Variants in NDUFS3 observed in about 807,000 individuals in gnomAD.
The protein encoded by NDUFS3 is NADH dehydrogenase [ubiquinone] iron-sulfur protein 3, mitochondrial.
A neutral mutation model predicts 30.8 loss-of-function variants in NDUFS3; 19 were observed. The observed-to-expected ratio is 0.62, with a 90% confidence interval of 0.43 to 0.91. The LOEUF (loss-of-function observed/expected upper bound fraction) is 0.91, where lower values mean the gene tolerates loss of function less well. Ranked by LOEUF, NDUFS3 falls within the 40% of genes least tolerant of loss-of-function variation. The probability of loss-of-function intolerance (pLI) is 0.00; values close to 1 mark genes in which losing one functional copy is unlikely to be tolerated. For synonymous variants in NDUFS3, 153 were observed against 135.8 expected (o/e 1.13, Z -0.88); for missense variants, 331 against 342.0 (o/e 0.97, Z 0.25).
intron 2 of NDUFS3, among the ~76,000 whole-genome samples, chr11:47,579,983 TGACACACA>T (rs1305498159): frequency 1.1e-5 from 1 of 94,386 alleles, no homozygotes; most frequent in East Asian, 2.9e-4. Context: ...GTTTTCTCAT[TGACACACA>T]CACACACACA....
chr11:47,580,755 T>G, intron 3 of NDUFS3, 80 bp from the exon 4 acceptor site: 1 of 1,605,772 alleles, frequency 6.2e-7, no homozygotes, highest in Non-Finnish European at 8.5e-7. Flanking sequence ...CTCTCAGCAT[T>G]AAACCAGGTG....
At chr11:47,583,259 C>A (rs1038659576) in intron 6 of NDUFS3, among the ~76,000 whole-genome samples, 1 of 152,056 alleles carries the variant, frequency 6.6e-6, no homozygotes, top group Non-Finnish European at 1.5e-5. Flanking sequence ...CCATGTTGCC[C>A]AAACTGGTCT....
intron 4 of NDUFS3, chr11:47,581,716 G>A: frequency 2.9e-6 from 1 of 342,688 alleles, no homozygotes; most frequent in South Asian, 2.4e-5. Context: ...CACCTAAACA[G>A]CTTACTGTAG....
In NDUFS3 at chr11:47,584,361, G is replaced by T; in HGVS notation, c.675G>T (p.Glu225Asp). ...AGCGGGTGGTGGCAGAGCCGGTGGA[G>T]TTGGCCCAAGAGTTCCGCAAATTTG... Reference protein sequence around the residue: ...EVKRVVAEPVELAQEFRKFDL... With the variant: ...EVKRVVAEPVDLAQEFRKFDL... The change falls in exon 7 of 7, where the codon GAG becomes GAT. Residue 225 changes from glutamate to aspartate, a missense_variant. Coordinates refer to ENST00000263774, the MANE Select transcript of NDUFS3 (RefSeq NM_004551.3). 1 of 1,614,168 alleles carries T rather than the reference G, an allele frequency of 6.2e-7. No individual in the cohort carries two copies. The highest frequency in any genetic ancestry group is 8.5e-7 in the Non-Finnish European group (1 of 1,180,030).
At position 47,579,472 on chromosome 11, in the gene NDUFS3, T is replaced by G. The variant is rs1188295521; in HGVS notation, c.133+138T>G. 10 of 1,073,400 alleles carry G rather than the reference T, an allele frequency of 9.3e-6. No individual in the cohort carries two copies. The Admixed American group carries it at 1.6e-4, about 17-fold the overall frequency. The allele number at this position is 1,073,400 out of a possible 1,614,324, so 66.5% of individuals were successfully genotyped here. On this transcript the variant is annotated intron_variant, in intron 2 of 6. Coordinates refer to ENST00000263774, the MANE Select transcript of NDUFS3 (RefSeq NM_004551.3). ...GACTTGCAGTGGTCTTCACCCTGCA[T>G]GCAGAATCGAGCCCTCCCTGTGCCC...
rs201626967 is a variant in NDUFS3 at position 47,584,326 on chromosome 11, G to A, written c.640G>A (p.Asp214Asn). 46 of 1,614,130 alleles carry A rather than the reference G, an allele frequency of 2.8e-5. No individual in the cohort carries two copies. The African/African-American group carries it at 4.3e-4, about 15-fold the overall frequency. The change falls in exon 7 of 7, where the codon GAT becomes AAT. Residue 214 changes from aspartate to asparagine, a missense_variant. By Grantham distance (23) the Asp-to-Asn change is conservative (BLOSUM62 1). Coordinates refer to ENST00000263774, the MANE Select transcript of NDUFS3 (RefSeq NM_004551.3). ...TTTGCTCCTGCAGTTACGTTATGAT[G>A]ATGAAGTGAAGCGGGTGGTGGCAGA... is the stretch of plus-strand genomic sequence containing the variant. ...LSGYVELRYD[D>N]EVKRVVAEPV...
chr11:47,582,321 TGG>T, intron 5 of NDUFS3, 26 bp from the exon 6 acceptor site: 1 of 1,614,232 alleles, frequency 6.2e-7, no homozygotes, highest in South Asian at 1.1e-5. Flanking sequence ...CTTGATGGAT[TGG>T]CTGTTTGAGG....
At chr11:47,581,113 C>A in intron 4 of NDUFS3, 129 bp downstream of exon 4, 2 of 1,150,734 alleles carry the variant, frequency 1.7e-6, no homozygotes, top group Non-Finnish European at 2.6e-6. Flanking sequence ...CTTGGTTCTG[C>A]CACTAAATGG....
At chr11:47,581,842 G>A in intron 4 of NDUFS3, 1 of 532,506 alleles carries the variant, frequency 1.9e-6, no homozygotes, top group Non-Finnish European at 3.4e-6. Flanking sequence ...TCTAAAATAT[G>A]AGTAGGAGAC....
At chr11:47,581,158 A>T (rs1412170342) in intron 4 of NDUFS3, 174 bp downstream of exon 4, 2 of 773,182 alleles carry the variant, frequency 2.6e-6, no homozygotes, top group African/African-American at 3.5e-5. Context: ...TATTTTGTTT[A>T]ATTTTTTTTT....
intron 2 of NDUFS3, among the ~76,000 whole-genome samples, 185 bp from the exon 3 acceptor site, chr11:47,580,339 AG>A (rs2097267850): frequency 1.3e-5 from 2 of 151,936 alleles, no homozygotes; most frequent in Non-Finnish European, 2.9e-5. Flanking sequence ...CGTGTAGTTA[AG>A]GTGGCACTTT....
intron 6 of NDUFS3, among the ~76,000 whole-genome samples, chr11:47,583,515 CTG>C (rs2097269740): frequency 6.6e-6 from 1 of 152,182 alleles, no homozygotes; most frequent in Non-Finnish European, 1.5e-5. Flanking sequence ...AAAATTACCT[CTG>C]AGGTGGGACC....
chr11:47,579,903 T>C (rs931422107), intron 2 of NDUFS3, among the ~76,000 whole-genome samples: 1 of 152,162 alleles, frequency 6.6e-6, no homozygotes, highest in Non-Finnish European at 1.5e-5. Context: ...TGAATGAGTA[T>C]GTACATATTA....
At chr11:47,579,487 T>A in intron 2 of NDUFS3, 153 bp downstream of exon 2, 1 of 904,298 alleles carries the variant, frequency 1.1e-6, no homozygotes, top group Non-Finnish European at 1.7e-6. Flanking sequence ...AATCGAGCCC[T>A]CCCTGTGCCC....
At position 47,583,694 on chromosome 11, in the gene NDUFS3, C is replaced by T. The variant is rs560353081; in HGVS notation, c.628-620C>T. 4.6e-5 allele frequency among the ~76,000 whole-genome samples: 7 copies of T among 152,312 alleles called. No homozygotes were observed. In the South Asian group the frequency reaches 1.4e-3, roughly 32 times the overall value. On this transcript the variant is annotated intron_variant, in intron 6 of 6. Transcript: ENST00000263774. ...CCCAGTCACTCCTGCTGTGTTAGTG[C>T]TTTGCATGCTCCTATTTCCCTCTTG...
chr11:47,579,986 C>CAA (rs1427880941), intron 2 of NDUFS3, among the ~76,000 whole-genome samples: 1 of 5,350 alleles, frequency 1.9e-4, no homozygotes, highest in African/African-American at 1.0e-3. Flanking sequence ...TTCTCATTGA[C>CAA]ACACACACAC....
At chr11:47,581,689 C>T in intron 4 of NDUFS3, 1 of 319,290 alleles carries the variant, frequency 3.1e-6, no homozygotes. Flanking sequence ...CCCCTACACT[C>T]TAGTGAAGGA....
chr11:47,582,709 T>C (rs2097269345), intron 6 of NDUFS3, among the ~76,000 whole-genome samples: 1 of 152,200 alleles, frequency 6.6e-6, no homozygotes, highest in African/African-American at 2.4e-5. Flanking sequence ...GTGGCTGGCA[T>C]TAAATAATGT....
chr11:47,583,226 T>G (rs1348973204), intron 6 of NDUFS3, among the ~76,000 whole-genome samples: 1 of 152,066 alleles, frequency 6.6e-6, no homozygotes, highest in Admixed American at 6.6e-5. Flanking sequence ...AATTTTTGTA[T>G]TTTTTGTAGA....
Sources: allele counts gnomAD v4.1 joint callset (sites outside exome capture counted in the v4.1 genomes callset), GRCh38; gene constraint gnomAD v4.1.1; transcripts MANE v1.5; gene names NCBI Gene and HGNC (gene_info 2026-07-23, HGNC 2026-07-21).